The following ADGRB1 variants were observed in gnomAD, a reference collection of about 807,000 sequenced individuals.
The protein encoded by ADGRB1 is adhesion G protein-coupled receptor B1.
ADGRB1 carries 36 observed loss-of-function variants against 175.7 expected under a neutral mutation model. The observed-to-expected ratio is 0.20, with a 90% CI of 0.16 to 0.27. The LOEUF (loss-of-function observed/expected upper bound fraction) is 0.27, where lower values mean the gene tolerates loss of function less well. Ranked by LOEUF, ADGRB1 falls within the 10% of genes least tolerant of loss-of-function variation. The pLI is 1.00. For synonymous variants in ADGRB1, 1,054 were observed against 979.4 expected (o/e 1.08, Z -1.42); for missense variants, 1,731 against 2,255.3 (o/e 0.77, Z 4.71).
At chr8:142,539,675 CCTG>C in intron 27 of ADGRB1, 1 of 571,338 alleles carries the variant, frequency 1.8e-6, no homozygotes, top group East Asian at 2.9e-5. Context: ...CCCTGGCACT[CCTG>C]CTGAGCAGGT....
Position 142,542,328 on chromosome 8 carries a change from A to G in ADGRB1, c.4094A>G (p.Tyr1365Cys). Residue 1365 changes from tyrosine (Y) to cysteine (C), a missense_variant, in exon 28 of 31, where the codon TAC becomes TGC. Tyr to Cys is a radical substitution (Grantham distance 194). Around this residue, in one of 8 missense-constraint regions of ADGRB1, gnomAD observed 394 missense variants for 410.2 expected, o/e 0.96. Coordinates refer to ENST00000517894, the MANE Select transcript of ADGRB1 (RefSeq NM_001702.3). This position sits in a 1 kb window ranked among gnomAD's most constrained non-coding sequence, Gnocchi z 6.3. ...LRPKPKEEPK[Y>C]SIHIDQMPQT... ...CCCAAGCCCAAGGAGGAGCCCAAGT[A>G]CAGCATCCACATTGACCAGATGCCG... 6.2e-7 allele frequency: 1 copy of G among 1,611,614 alleles called. No homozygotes were observed. The highest frequency in any genetic ancestry group is 8.5e-7 in the Non-Finnish European group (1 of 1,179,298).
chr8:142,471,884 G>C (rs371881190), intron 2 of ADGRB1, among the ~76,000 whole-genome samples: 6 of 152,218 alleles, frequency 3.9e-5, no homozygotes, highest in African/African-American at 1.4e-4. Context: ...TTCCACGTCC[G>C]TGCAGGGGGC....
chr8:142,519,947 G>T (rs1027056493), intron 19 of ADGRB1, among the ~76,000 whole-genome samples: 2 of 148,750 alleles, frequency 1.3e-5, no homozygotes, highest in Non-Finnish European at 3.0e-5. Context: ...TGGTGATGGC[G>T]TGATGGTGGT....
At chr8:142,518,684 A>G (rs1257321813) in intron 19 of ADGRB1, among the ~76,000 whole-genome samples, 1 of 152,182 alleles carries the variant, frequency 6.6e-6, no homozygotes, top group Non-Finnish European at 1.5e-5. Flanking sequence ...GATTGTGGCC[A>G]GTGGGTTTTT....
intron 24 of ADGRB1, among the ~76,000 whole-genome samples, chr8:142,528,838 G>T (rs779562137): frequency 1.3e-5 from 2 of 152,220 alleles, no homozygotes; most frequent in Non-Finnish European, 2.9e-5. Context: ...GCCTGCTCTA[G>T]GCCTGGCAGC....
Position 142,475,521 on chromosome 8 carries a change from G to A in ADGRB1, c.832G>A (p.Gly278Arg). 7.7e-7 allele frequency: 1 copy of A among 1,294,228 alleles called. No homozygotes were observed. The highest frequency in any genetic ancestry group is 2.1e-4 in the Middle Eastern group (1 of 4,708). The allele number at this position is 1,294,228 out of a possible 1,614,324, so 80.2% of individuals were successfully genotyped here. Residue 278 changes from glycine to arginine, a missense_variant, in exon 3 of 31, where the codon GGG becomes AGG. By Grantham distance (125) the Gly-to-Arg change is moderately radical. Around this residue, in one of 8 missense-constraint regions of ADGRB1, gnomAD observed 178 missense variants for 227.8 expected, o/e 0.78. Transcript: ENST00000517894. Reference protein sequence around the residue: ...SLWGECTRDCGGGLQTRTRTC... With the variant: ...SLWGECTRDCRGGLQTRTRTC... ...GTGGGGCGAATGCACGCGGGACTGCGGGGGAGGCCTCCAGACGCGGACGCG... is the reference window on the plus strand; with the variant it reads ...GTGGGGCGAATGCACGCGGGACTGCAGGGGAGGCCTCCAGACGCGGACGCG...
In ADGRB1 at chr8:142,543,264, C is replaced by A; in HGVS notation, c.4414-139C>A. 8.8e-7 allele frequency: 1 copy of A among 1,131,188 alleles called. No homozygotes were observed. The highest frequency in any genetic ancestry group is 1.3e-6 in the Non-Finnish European group (1 of 781,236). The allele number at this position is 1,131,188 out of a possible 1,614,324, so 70.1% of individuals were successfully genotyped here. On this transcript the variant is annotated intron_variant, in intron 28 of 30. Coordinates refer to ENST00000517894, the MANE Select transcript of ADGRB1 (RefSeq NM_001702.3). The surrounding 1 kb of genome is among the most constrained non-coding windows in gnomAD (Gnocchi z 4.4). ...GGAGCTGCCTCAGTGCGCCCCCAGG[C>A]ATGTCCCCTGGGTCTGGCCTGGTCC...
rs140048888 is a variant in ADGRB1, at chr8:142,542,783, CT to C, written c.4413+137del. On this transcript the variant is annotated intron_variant, in intron 28 of 30. Transcript: ENST00000517894. The surrounding 1 kb of genome is among the most constrained non-coding windows in gnomAD (Gnocchi z 6.3). ...TGCCTCCTAGCTACACCCCCCACCCCTGGCCCTGCTGGGTGTGCTGTGTATG... is the reference window on the plus strand; with the variant it reads ...TGCCTCCTAGCTACACCCCCCACCCCGGCCCTGCTGGGTGTGCTGTGTATG... 1,321 of 790,080 alleles carry C rather than the reference CT, an allele frequency of 1.7e-3. 14 individuals are homozygous for C. In the African/African-American group the frequency reaches 0.022, roughly 13 times the overall value. The allele number at this position is 790,080 out of a possible 1,614,324, so 48.9% of individuals were successfully genotyped here. A position where few individuals can be genotyped will look rare whatever the true frequency, so the allele number is the denominator to read the frequency against.
rs529628043 is a variant in ADGRB1, at chr8:142,538,417, C to T, written c.3667-957C>T. Reference sequence around the variant, plus strand: ...CCCTCATGGCTCCATGCCTCAGTGTCTCCATCAGCCAGGGAGCAGGTATCC... The same window carrying T: ...CCCTCATGGCTCCATGCCTCAGTGTTTCCATCAGCCAGGGAGCAGGTATCC... On this transcript the variant is annotated intron_variant, in intron 26 of 30. Coordinates refer to ENST00000517894, the MANE Select transcript of ADGRB1 (RefSeq NM_001702.3). 2.0e-5 allele frequency among the ~76,000 whole-genome samples: 3 copies of T among 152,336 alleles called. No individual in the cohort carries two copies. The East Asian group carries it at 5.8e-4, about 29-fold the overall frequency.
intron 18 of ADGRB1, among the ~76,000 whole-genome samples, chr8:142,514,684 G>T (rs1205671938): frequency 6.6e-6 from 1 of 152,100 alleles, no homozygotes; most frequent in Non-Finnish European, 1.5e-5. Context: ...CATGGTCAGG[G>T]TTCAGCACGT....
At position 142,482,599 on chromosome 8, in the gene ADGRB1, G is replaced by A. The variant is rs941723025; in HGVS notation, c.2130+888G>A. Among the ~76,000 whole-genome samples, 16 of 148,304 alleles carry A rather than the reference G, an allele frequency of 1.1e-4. 1 individual carries two copies. The highest frequency in any genetic ancestry group is 3.7e-3 in the Middle Eastern group (1 of 268). Reference sequence around the variant, plus strand: ...GGTCACACACTGAGCCCTGACCCTCGTCACATGCTGAACCCTGACCCTCGT... The same window carrying A: ...GGTCACACACTGAGCCCTGACCCTCATCACATGCTGAACCCTGACCCTCGT... On this transcript the variant is annotated intron_variant, in intron 11 of 30. Coordinates refer to ENST00000517894, the MANE Select transcript of ADGRB1 (RefSeq NM_001702.3).
At chr8:142,532,430 G>A (rs988319544) in intron 24 of ADGRB1, among the ~76,000 whole-genome samples, 6 of 152,210 alleles carry the variant, frequency 3.9e-5, no homozygotes, top group African/African-American at 1.2e-4. Flanking sequence ...CTGCAGGGGC[G>A]AGGGCTGCTG....
intron 16 of ADGRB1, 59 bp from the exon 17 acceptor site, chr8:142,490,713 C>T (rs1384078129): frequency 8.5e-6 from 13 of 1,533,050 alleles, no homozygotes; most frequent in Non-Finnish European, 9.7e-6. Flanking sequence ...CATGGTGACC[C>T]GAGGGTGGGG....
intron 24 of ADGRB1, 115 bp from the exon 25 acceptor site, chr8:142,533,180 C>A: frequency 8.3e-7 from 1 of 1,204,356 alleles, no homozygotes; most frequent in Non-Finnish European, 1.1e-6. Context: ...CCCCCAGAGA[C>A]AGAGACGGGG....
rs192817496 is a variant in ADGRB1 at position 142,499,437 on chromosome 8, C to T, written c.2675+8622C>T. 3.5e-3 allele frequency among the ~76,000 whole-genome samples: 530 copies of T among 152,296 alleles called. 4 individuals are homozygous for T. Among genetic ancestry groups the T allele is most frequent in the African/African-American group, 0.012 (501 of 41,542 alleles). On this transcript the variant is annotated intron_variant, in intron 17 of 30. Transcript: ENST00000517894. The stretch of plus-strand genomic sequence containing the variant: ...TCAAAAGAGCGCCACCCTTGGGGGC[C>T]GGAGACTTGGGGTACGGCCACCCGC...
At chr8:142,494,073 G>GGAGCACAGT (rs1186965878) in intron 17 of ADGRB1, among the ~76,000 whole-genome samples, 1 of 152,180 alleles carries the variant, frequency 6.6e-6, no homozygotes, top group Non-Finnish European at 1.5e-5. Flanking sequence ...CTGTGTGTGA[G>GGAGCACAGT]GAGCACAGTG....
intron 25 of ADGRB1, among the ~76,000 whole-genome samples, chr8:142,535,336 G>A (rs1344964190): frequency 6.6e-6 from 1 of 152,120 alleles, no homozygotes. Context: ...TGGGGTCAGG[G>A]AAGGAGGGGA....
At chr8:142,450,579 G>C (rs1181451633) in intron 1 of ADGRB1, among the ~76,000 whole-genome samples, 1 of 151,800 alleles carries the variant, frequency 6.6e-6, no homozygotes. Context: ...GCCCCCGAGC[G>C]TGTCCCCCTC....
At chr8:142,456,203 C>T (rs573822431) in intron 1 of ADGRB1, among the ~76,000 whole-genome samples, 1 of 152,166 alleles carries the variant, frequency 6.6e-6, no homozygotes, top group Non-Finnish European at 1.5e-5. Flanking sequence ...GCAGCTCCTC[C>T]AGAAAGCCTT....
Sources: gnomAD v4.1 joint callset for allele counts (sites outside exome capture counted in the v4.1 genomes callset) on GRCh38, gnomAD v4.1.1 for gene constraint, gnomAD v4.1.1 regional missense constraint, Gnocchi (gnomAD v3.1) non-coding constraint, MANE v1.5 for transcripts, NCBI Gene and HGNC (gene_info 2026-07-23, HGNC 2026-07-21) for gene names.